Variants in SLC24A3 observed in about 807,000 individuals in gnomAD.
SLC24A3 encodes the protein sodium/potassium/calcium exchanger 3.
A neutral mutation model predicts 75.8 loss-of-function variants in SLC24A3; 28 were observed. That is an observed-to-expected ratio of 0.37 (90% CI 0.27 to 0.51). The LOEUF (loss-of-function observed/expected upper bound fraction) is 0.51, where lower values mean the gene tolerates loss of function less well. Ranked by LOEUF, SLC24A3 falls within the 20% of genes least tolerant of loss-of-function variation. The pLI is 0.94. For synonymous variants in SLC24A3, 372 were observed against 334.1 expected (o/e 1.11, Z -1.24); for missense variants, 663 against 847.8 (o/e 0.78, Z 2.71).
At chr20:19,711,773 G>A (rs999165661) in intron 15 of SLC24A3, among the ~76,000 whole-genome samples, 1 of 152,110 alleles carries the variant, frequency 6.6e-6, no homozygotes, top group African/African-American at 2.4e-5. Flanking sequence ...CCAAGTAGCT[G>A]GAACTACAGG....
intron 6 of SLC24A3, among the ~76,000 whole-genome samples, chr20:19,620,178 C>T (rs570016605): frequency 3.3e-4 from 50 of 152,328 alleles, no homozygotes; most frequent in African/African-American, 1.1e-3. Flanking sequence ...CAAATCCACC[C>T]ATGACACCTT....
At chr20:19,300,353 C>T (rs1207348380) in intron 2 of SLC24A3, among the ~76,000 whole-genome samples, 1 of 152,146 alleles carries the variant, frequency 6.6e-6, no homozygotes, top group African/African-American at 2.4e-5. Flanking sequence ...TGGATGACCC[C>T]AGCTGAGGTC....
chr20:19,558,055 G>A (rs2030818011), intron 3 of SLC24A3, among the ~76,000 whole-genome samples: 1 of 152,082 alleles, frequency 6.6e-6, no homozygotes, highest in Non-Finnish European at 1.5e-5. Context: ...ACCTGCAATA[G>A]AAGATGGGGG....
chr20:19,646,845 G>GTGTGTA (rs2032144169), intron 6 of SLC24A3, among the ~76,000 whole-genome samples: 1 of 148,210 alleles, frequency 6.7e-6, no homozygotes, highest in African/African-American at 2.5e-5. Context: ...AAAACTCTGT[G>GTGTGTA]TGTGTGCGTG....
chr20:19,378,438 T>C (rs1986124667), intron 2 of SLC24A3, among the ~76,000 whole-genome samples: 1 of 152,198 alleles, frequency 6.6e-6, no homozygotes, highest in African/African-American at 2.4e-5. Context: ...AAAACTAAGC[T>C]AACTGATTTT....
intron 2 of SLC24A3, among the ~76,000 whole-genome samples, chr20:19,398,410 C>A (rs1986494150): frequency 1.3e-5 from 2 of 152,044 alleles, no homozygotes; most frequent in Non-Finnish European, 2.9e-5. Flanking sequence ...AGATTTATCC[C>A]ATTTTTGACG....
At chr20:19,393,285 T>C (rs1363937736) in intron 2 of SLC24A3, among the ~76,000 whole-genome samples, 1 of 152,148 alleles carries the variant, frequency 6.6e-6, no homozygotes, top group Non-Finnish European at 1.5e-5. Flanking sequence ...TGATAGAGAC[T>C]GTGGAAGAAA....
chr20:19,630,614 G>A (rs1210855582), intron 6 of SLC24A3, among the ~76,000 whole-genome samples: 1 of 152,124 alleles, frequency 6.6e-6, no homozygotes. Flanking sequence ...TAGCTAAAAG[G>A]TATCCTTTTC....
intron 2 of SLC24A3, among the ~76,000 whole-genome samples, chr20:19,426,875 G>T (rs745870239): frequency 5.9e-5 from 9 of 152,134 alleles, no homozygotes; most frequent in Admixed American, 2.0e-4. Context: ...GAGGGGCCAG[G>T]CTAGAGGCTT....
intron 9 of SLC24A3, among the ~76,000 whole-genome samples, chr20:19,676,053 G>A (rs3790288): frequency 0.024 from 3,620 of 152,212 alleles, 56 homozygotes; most frequent in South Asian, 0.068. Context: ...ATTAATCTTG[G>A]GTCTTGAATC....
At chr20:19,532,124 ATGT>A (rs1303779723) in intron 3 of SLC24A3, among the ~76,000 whole-genome samples, 2 of 152,200 alleles carry the variant, frequency 1.3e-5, no homozygotes, top group Admixed American at 6.5e-5. Flanking sequence ...AGCAGTGGAC[ATGT>A]TGTTTGATCA....
At chr20:19,319,207 T>C (rs1005228401) in intron 2 of SLC24A3, among the ~76,000 whole-genome samples, 3 of 152,242 alleles carry the variant, frequency 2.0e-5, no homozygotes, top group Admixed American at 6.5e-5. Flanking sequence ...TGGACTCTAC[T>C]GTCCCATGAG....
intron 12 of SLC24A3, 106 bp downstream of exon 12, chr20:19,685,467 G>A (rs2122743256): frequency 3.3e-6 from 5 of 1,513,978 alleles, no homozygotes; most frequent in South Asian, 2.6e-5. Flanking sequence ...TAAAATCTCT[G>A]TATGAACATG....
At chr20:19,527,068 C>T (rs1376152180) in intron 3 of SLC24A3, among the ~76,000 whole-genome samples, 1 of 152,086 alleles carries the variant, frequency 6.6e-6, no homozygotes, top group African/African-American at 2.4e-5. Flanking sequence ...CCAGTTCCTG[C>T]CTAGGCCCCA....
intron 2 of SLC24A3, among the ~76,000 whole-genome samples, chr20:19,494,831 A>C (rs1253468369): frequency 1.3e-5 from 2 of 152,210 alleles, no homozygotes; most frequent in African/African-American, 4.8e-5. Context: ...GGGATGCCCC[A>C]TTCCTTTGGA....
chr20:19,325,752 G>GTATATA (rs1984827291), intron 2 of SLC24A3, among the ~76,000 whole-genome samples: 1 of 75,192 alleles, frequency 1.3e-5, no homozygotes, highest in African/African-American at 7.3e-5. Context: ...GTGTGTGTGT[G>GTATATA]TATACATACA....
intron 7 of SLC24A3, among the ~76,000 whole-genome samples, chr20:19,654,801 C>T (rs1226048380): frequency 6.6e-6 from 1 of 151,978 alleles, no homozygotes; most frequent in African/African-American, 2.4e-5. Flanking sequence ...GCGTGCACCA[C>T]CACGGCTGGC....
rs1395338508 is a variant in SLC24A3, at chr20:19,280,978, C to G, written c.162C>G (p.Leu54=). The G allele has an allele frequency of 6.2e-7, 1 of 1,613,712 alleles. No individual in the cohort carries two copies. Among genetic ancestry groups the G allele is most frequent in the Non-Finnish European group, 8.5e-7 (1 of 1,179,796 alleles). Residue 54 remains leucine (L), a synonymous_variant, in exon 2 of 17, where the codon CTC becomes CTG. Coordinates refer to ENST00000328041, the MANE Select transcript of SLC24A3 (RefSeq NM_020689.4). ...REQKELDLMD[L]VGEDRKWMMA... ...CCCCAGAGCTTGACCTCATGGACCT[C>G]GTAGGGGAAGACAGAAAGTGGATGA...
intron 6 of SLC24A3, among the ~76,000 whole-genome samples, chr20:19,638,630 A>C (rs1047520385): frequency 6.6e-6 from 1 of 152,186 alleles, no homozygotes; most frequent in South Asian, 2.1e-4. Context: ...TTTGATCCTC[A>C]TAAAGACCTT....
Sources: gnomAD v4.1 joint callset for allele counts (sites outside exome capture counted in the v4.1 genomes callset) on GRCh38, gnomAD v4.1.1 for gene constraint, MANE v1.5 for transcripts, NCBI Gene and HGNC (gene_info 2026-07-23, HGNC 2026-07-21) for gene names.